PHF2: variants seen among roughly 807,000 people sequenced by gnomAD.
The protein encoded by PHF2 is lysine-specific demethylase PHF2.
PHF2 carries 27 observed loss-of-function variants against 120.5 expected under a neutral mutation model. The ratio of observed to expected loss-of-function variants is 0.22; its 90% CI spans 0.17 to 0.31. The LOEUF (loss-of-function observed/expected upper bound fraction) is 0.31, where lower values mean the gene tolerates loss of function less well. Among genes scored for constraint, PHF2 ranks in the 10% least tolerant of loss-of-function variants. The pLI is 1.00. For missense variants in PHF2, 1,024 were observed against 1,434.8 expected (o/e 0.71, Z 4.63); for synonymous variants, 568 against 592.5 (o/e 0.96, Z 0.60).
chr9:93,611,512 T>C (rs1393899281), intron 1 of PHF2, among the ~76,000 whole-genome samples: 2 of 152,074 alleles, frequency 1.3e-5, no homozygotes, highest in East Asian at 3.8e-4. Context: ...GGATTAAAAA[T>C]ATTCCTTTTA....
chr9:93,671,340 G>A (rs1224784683), intron 17 of PHF2, among the ~76,000 whole-genome samples: 1 of 146,606 alleles, frequency 6.8e-6, no homozygotes, highest in Non-Finnish European at 1.5e-5. Flanking sequence ...ATGTGGGTGT[G>A]GGAGTAGGGT....
intron 12 of PHF2, 56 bp downstream of exon 12, chr9:93,660,616 CTT>C: frequency 6.8e-7 from 1 of 1,467,780 alleles, no homozygotes. Flanking sequence ...TGCAGCATCT[CTT>C]GTGGGCCAGT....
chr9:93,587,443 C>T (rs1469866956), intron 1 of PHF2, among the ~76,000 whole-genome samples: 6 of 33,012 alleles, frequency 1.8e-4, no homozygotes, highest in Admixed American at 7.1e-4. Context: ...AGAGGGATGA[C>T]GGAGGATCCC....
intron 1 of PHF2, among the ~76,000 whole-genome samples, chr9:93,621,267 G>A (rs1255412744): frequency 6.6e-6 from 1 of 152,244 alleles, no homozygotes; most frequent in Non-Finnish European, 1.5e-5. Flanking sequence ...TCTGGCCCAG[G>A]CACCTAGGTG....
At chr9:93,630,707 G>T (rs963685481) in intron 2 of PHF2, among the ~76,000 whole-genome samples, 2 of 152,196 alleles carry the variant, frequency 1.3e-5, no homozygotes, top group Non-Finnish European at 2.9e-5. Context: ...GGTTATATGA[G>T]CCTTGAGCTC....
At chr9:93,617,332 G>C (rs1825745691) in intron 1 of PHF2, among the ~76,000 whole-genome samples, 1 of 152,232 alleles carries the variant, frequency 6.6e-6, no homozygotes, top group African/African-American at 2.4e-5. Flanking sequence ...GAAAGCCACT[G>C]TGTCCTGTCT....
At chr9:93,673,494 A>G in intron 17 of PHF2, 91 bp from the exon 18 acceptor site, 1 of 1,195,432 alleles carries the variant, frequency 8.4e-7, no homozygotes, top group South Asian at 1.7e-5. Flanking sequence ...GAGTTTGTGC[A>G]GGAGTTTGTG....
At chr9:93,663,867 C>T (rs1183131475) in intron 14 of PHF2, among the ~76,000 whole-genome samples, 1 of 152,224 alleles carries the variant, frequency 6.6e-6, no homozygotes. Context: ...GGGGACTCCT[C>T]TCCCTCTGAG....
intron 17 of PHF2, among the ~76,000 whole-genome samples, chr9:93,667,589 C>A (rs1826706468): frequency 6.6e-6 from 1 of 152,186 alleles, no homozygotes; most frequent in African/African-American, 2.4e-5. Context: ...GTAGCCCCCT[C>A]CATGGTGCCC....
rs138068400 is a variant in PHF2 at position 93,584,188 on chromosome 9, G to T, written c.98+7317G>T. On this transcript the variant is annotated intron_variant, in intron 1 of 21. Coordinates refer to ENST00000359246, the MANE Select transcript of PHF2 (RefSeq NM_005392.4). ...AATACATTTTTCCATTTTGTGGGTT[G>T]TCATTTCACTTTCTTGATAATGACT... Among the ~76,000 whole-genome samples, 16 of 152,260 alleles carry T rather than the reference G, an allele frequency of 1.1e-4. No individual in the cohort carries two copies. In the East Asian group the frequency reaches 3.1e-3, roughly 29 times the overall value.
chr9:93,667,275 G>T (rs1365403874), intron 17 of PHF2, 35 bp downstream of exon 17: 1 of 1,591,294 alleles, frequency 6.3e-7, no homozygotes, highest in Non-Finnish European at 8.5e-7. Flanking sequence ...CCAAGAGCGG[G>T]GACCAGGCAG....
chr9:93,607,929 A>G (rs907824918), intron 1 of PHF2, among the ~76,000 whole-genome samples: 13 of 123,314 alleles, frequency 1.1e-4, no homozygotes, highest in Non-Finnish European at 2.1e-4. Context: ...AGAGAGAGAG[A>G]GGGAAAGAGA....
chr9:93,652,543 G>A (rs969994075), intron 5 of PHF2, among the ~76,000 whole-genome samples: 4 of 151,860 alleles, frequency 2.6e-5, no homozygotes, highest in South Asian at 4.2e-4. Context: ...CGCCCACCTC[G>A]GCCTCCCAAA....
chr9:93,676,140 G>A (rs1826906989), intron 20 of PHF2, among the ~76,000 whole-genome samples: 1 of 152,124 alleles, frequency 6.6e-6, no homozygotes, highest in African/African-American at 2.4e-5. Context: ...TGGGAAATGA[G>A]GTGTTCTGTC....
At position 93,630,175 on chromosome 9, in the gene PHF2, G is replaced by C. The variant is rs554690444; in HGVS notation, c.184+120G>C. ...GGCCCTGGGTTGCTGGGGGCAAAAC[G>C]CCCTGAGTAGTGTCTAGGCCTGGGG... On this transcript the variant is annotated intron_variant, in intron 2 of 21. Transcript: ENST00000359246. 1.8e-5 allele frequency: 17 copies of C among 924,346 alleles called. No individual in the cohort carries two copies. In the South Asian group the frequency reaches 2.1e-4, roughly 12 times the overall value. 57.3% of individuals were successfully genotyped at this position (924,346 alleles called of 1,614,324 possible).
Position 93,646,102 on chromosome 9 carries a change from C to T in PHF2, c.460+313C>T, listed in dbSNP as rs954464510. On this transcript the variant is annotated intron_variant, in intron 4 of 21. Coordinates refer to ENST00000359246, the MANE Select transcript of PHF2 (RefSeq NM_005392.4). ...GTGGGTGCTACATGACACTGCCATG[C>T]CTGGGAGGCCCTGGTGGTGCGGGCC... Among the ~76,000 whole-genome samples the T allele has an allele frequency of 2.0e-5, 3 of 152,214 alleles. No homozygotes were observed. The East Asian group carries it at 5.8e-4, about 29-fold the overall frequency.
At chr9:93,616,881 C>T (rs1825738330) in intron 1 of PHF2, among the ~76,000 whole-genome samples, 1 of 152,260 alleles carries the variant, frequency 6.6e-6, no homozygotes, top group Non-Finnish European at 1.5e-5. Flanking sequence ...GTCTTGAACT[C>T]CTGACCTCAG....
chr9:93,623,963 G>A (rs199753686), intron 1 of PHF2, among the ~76,000 whole-genome samples: 2 of 152,292 alleles, frequency 1.3e-5, no homozygotes, highest in South Asian at 2.1e-4. Flanking sequence ...ACTGTCTAAC[G>A]AGTGTTCACT....
At chr9:93,577,198 C>G (rs990475661) in intron 1 of PHF2, among the ~76,000 whole-genome samples, 2 of 150,730 alleles carry the variant, frequency 1.3e-5, no homozygotes, top group Non-Finnish European at 3.0e-5. Flanking sequence ...CGCCTGTCAG[C>G]TGGGTCGCGG....
Sources: gnomAD v4.1 joint callset for allele counts (sites outside exome capture counted in the v4.1 genomes callset) on GRCh38, gnomAD v4.1.1 for gene constraint, MANE v1.5 for transcripts, NCBI Gene and HGNC (gene_info 2026-07-23, HGNC 2026-07-21) for gene names.